Variants in NEGR1 observed in about 807,000 individuals in gnomAD.
NEGR1 encodes IgLON family member 4.
In NEGR1, 10 loss-of-function variants were observed where a neutral mutation model predicts 40.9. That is an observed-to-expected ratio of 0.24 (90% CI 0.15 to 0.42). The LOEUF is 0.42. Among genes scored for constraint, NEGR1 ranks in the 10% least tolerant of loss-of-function variants. The pLI, the probability that NEGR1 is intolerant of heterozygous loss-of-function variation, is 1.00. For synonymous variants in NEGR1, 185 were observed against 166.8 expected (o/e 1.11, Z -0.84); for missense variants, 352 against 438.9 (o/e 0.80, Z 1.77).
At chr1:72,170,476 A>G (rs943393447) in intron 1 of NEGR1, among the ~76,000 whole-genome samples, 4 of 152,290 alleles carry the variant, frequency 2.6e-5, no homozygotes, top group East Asian at 3.9e-4. Flanking sequence ...TGTCTGGCAC[A>G]TGATAGGTAT....
chr1:72,200,039 G>A (rs1286437670), intron 1 of NEGR1, among the ~76,000 whole-genome samples: 2 of 151,932 alleles, frequency 1.3e-5, no homozygotes, highest in African/African-American at 4.8e-5. Flanking sequence ...AGGCAGGTGA[G>A]GTGCCAAGAA....
At chr1:72,184,308 T>G (rs2100418249) in intron 1 of NEGR1, among the ~76,000 whole-genome samples, 1 of 152,212 alleles carries the variant, frequency 6.6e-6, no homozygotes, top group South Asian at 2.1e-4. Flanking sequence ...GTGTTCAGAC[T>G]GCAGAACGCA....
chr1:71,932,841 A>G (rs548393095), intron 2 of NEGR1, among the ~76,000 whole-genome samples: 1 of 152,196 alleles, frequency 6.6e-6, no homozygotes, highest in African/African-American at 2.4e-5. Context: ...TGTACACATC[A>G]GTTTACTTTT....
chr1:71,739,915 C>T (rs978916866), intron 3 of NEGR1, among the ~76,000 whole-genome samples: 2 of 152,110 alleles, frequency 1.3e-5, no homozygotes, highest in Non-Finnish European at 2.9e-5. Context: ...TACCATGTAC[C>T]TTAAGCATCC....
intron 3 of NEGR1, among the ~76,000 whole-genome samples, chr1:71,702,688 T>C (rs968707025): frequency 6.6e-6 from 1 of 150,656 alleles, no homozygotes; most frequent in Non-Finnish European, 1.5e-5. Flanking sequence ...AGACTTACCT[T>C]CTTGCCATAA....
chr1:71,571,380 T>A (rs1187650542), intron 6 of NEGR1, among the ~76,000 whole-genome samples: 2 of 152,188 alleles, frequency 1.3e-5, no homozygotes, highest in Non-Finnish European at 2.9e-5. Context: ...TTACCATTTT[T>A]AAAAATAAAT....
intron 2 of NEGR1, among the ~76,000 whole-genome samples, chr1:71,908,214 CAAA>C (rs80097153): frequency 8.9e-6 from 1 of 112,624 alleles, no homozygotes; most frequent in Admixed American, 9.5e-5. Flanking sequence ...AATGCCACTA[CAAA>C]AAAAAAAAAA....
At chr1:71,625,282 G>C (rs1398127232) in intron 4 of NEGR1, among the ~76,000 whole-genome samples, 1 of 150,572 alleles carries the variant, frequency 6.6e-6, no homozygotes, top group African/African-American at 2.4e-5. Context: ...ATACTTACAT[G>C]AATACACACA....
intron 1 of NEGR1, among the ~76,000 whole-genome samples, chr1:72,030,628 A>G (rs1396393459): frequency 6.6e-6 from 1 of 152,164 alleles, no homozygotes; most frequent in African/African-American, 2.4e-5. Flanking sequence ...TAGTCATCAC[A>G]TTGATCAACA....
intron 3 of NEGR1, among the ~76,000 whole-genome samples, chr1:71,738,578 A>G (rs937510887): frequency 6.6e-6 from 1 of 152,098 alleles, no homozygotes; most frequent in Admixed American, 6.6e-5. Flanking sequence ...GGGAGGAAGG[A>G]GCTCTTAGTA....
intron 6 of NEGR1, among the ~76,000 whole-genome samples, chr1:71,462,657 C>A (rs1008678820): frequency 1.1e-4 from 16 of 152,092 alleles, no homozygotes. Flanking sequence ...AAAACAATAA[C>A]CCCAACAATT....
chr1:72,052,845 G>A (rs1180679769), intron 1 of NEGR1, among the ~76,000 whole-genome samples: 1 of 151,210 alleles, frequency 6.6e-6, no homozygotes, highest in Admixed American at 6.6e-5. Flanking sequence ...GTTTATATTT[G>A]CATTTGTCCA....
chr1:71,873,441 C>A (rs1000325474), intron 2 of NEGR1, among the ~76,000 whole-genome samples: 6 of 151,996 alleles, frequency 3.9e-5, no homozygotes, highest in African/African-American at 1.4e-4. Flanking sequence ...AAGTTCCTGA[C>A]CTGCAACTGG....
At chr1:72,243,078 T>C (rs1654799116) in intron 1 of NEGR1, among the ~76,000 whole-genome samples, 1 of 151,776 alleles carries the variant, frequency 6.6e-6, no homozygotes, top group South Asian at 2.1e-4. Context: ...TAAAATATTT[T>C]AATAACATGT....
Position 71,405,824 on chromosome 1 carries a change from G to A in NEGR1, c.*1622C>T, listed in dbSNP as rs1054257384. 6.6e-6 allele frequency: 1 copy of A among 151,744 alleles called. No homozygotes were observed. The highest frequency in any genetic ancestry group is 1.5e-5 in the Non-Finnish European group (1 of 67,684). The allele number at this position is 151,744 out of a possible 1,614,324, so 9.4% of individuals were successfully genotyped here. A position where few individuals can be genotyped will look rare whatever the true frequency, so the allele number is the denominator to read the frequency against. Reference sequence around the variant, plus strand: ...TTTGTTGTTACAACTTGTAAAAGGGGACTATTTGTAGAAATTTAGGTGTAC... The same window carrying A: ...TTTGTTGTTACAACTTGTAAAAGGGAACTATTTGTAGAAATTTAGGTGTAC... On this transcript the variant is annotated 3_prime_UTR_variant, in exon 7 of 7. Transcript: ENST00000357731.
At chr1:72,089,858 G>A (rs1399772137) in intron 1 of NEGR1, among the ~76,000 whole-genome samples, 1 of 152,052 alleles carries the variant, frequency 6.6e-6, no homozygotes. Flanking sequence ...GTTGAGATAA[G>A]AAATACTGAG....
At chr1:71,431,122 CT>C (rs752465656) in intron 6 of NEGR1, among the ~76,000 whole-genome samples, 1 of 142,958 alleles carries the variant, frequency 7.0e-6, no homozygotes, top group Non-Finnish European at 1.5e-5. Context: ...AAAAAAAGAC[CT>C]TTTTTATGAT....
intron 6 of NEGR1, among the ~76,000 whole-genome samples, chr1:71,472,368 C>T (rs1289649593): frequency 6.6e-6 from 1 of 152,094 alleles, no homozygotes; most frequent in Non-Finnish European, 1.5e-5. Context: ...GATAGGCCTG[C>T]CTAAATACAG....
At chr1:71,745,333 G>T (rs1397967098) in intron 3 of NEGR1, among the ~76,000 whole-genome samples, 1 of 152,110 alleles carries the variant, frequency 6.6e-6, no homozygotes, top group Non-Finnish European at 1.5e-5. Flanking sequence ...TTGGCTGGCT[G>T]CTCTCTGGAC....
Sources: gnomAD v4.1 joint callset for allele counts (sites outside exome capture counted in the v4.1 genomes callset) on GRCh38, gnomAD v4.1.1 for gene constraint, MANE v1.5 for transcripts, NCBI Gene and HGNC (gene_info 2026-07-23, HGNC 2026-07-21) for gene names.